The following USP24 variants were observed in gnomAD, a reference collection of about 807,000 sequenced individuals.
USP24 encodes ubiquitin carboxyl-terminal hydrolase 24.
A neutral mutation model predicts 361.6 loss-of-function variants in USP24; 97 were observed. That is an observed-to-expected ratio of 0.27 (90% confidence interval 0.23 to 0.32). The LOEUF (loss-of-function observed/expected upper bound fraction) is 0.32. Ranked by LOEUF, USP24 falls within the 10% of genes least tolerant of loss-of-function variation. The pLI is 1.00. For synonymous variants in USP24, 1,098 were observed against 1,124.6 expected (o/e 0.98, Z 0.47); for missense variants, 2,353 against 3,165.6 (o/e 0.74, Z 6.16).
At chr1:55,124,226 T>A (rs948797791) in intron 35 of USP24, among the ~76,000 whole-genome samples, 1 of 152,226 alleles carries the variant, frequency 6.6e-6, no homozygotes, top group African/African-American at 2.4e-5. Context: ...CTAAAAACTG[T>A]TGATTTGGTT....
intron 17 of USP24, 40 bp from the exon 18 acceptor site, chr1:55,147,838 T>C (rs764607492): frequency 5.8e-5 from 92 of 1,598,950 alleles, no homozygotes; most frequent in Non-Finnish European, 7.4e-5. Context: ...TAATGAGAAT[T>C]TGCAGTTATT....
At position 55,068,529 on chromosome 1, in the gene USP24, G is replaced by C. The variant is rs1316007208; in HGVS notation, c.*516C>G. The C allele has an allele frequency of 1.3e-5, 2 of 153,660 alleles. No individual in the cohort carries two copies. Among genetic ancestry groups the C allele is most frequent in the Non-Finnish European group, 2.9e-5 (2 of 69,192 alleles). 9.5% of individuals were successfully genotyped at this position (153,660 alleles called of 1,614,324 possible). ...TTAAATACAAAGGTCTGTGTAAATT[G>C]ACTTAATTACTATTTTACAATGAAA... On this transcript the variant is annotated 3_prime_UTR_variant, in exon 68 of 68. Coordinates refer to ENST00000294383, the MANE Select transcript of USP24 (RefSeq NM_015306.3).
chr1:55,074,603 T>C (rs1002542000), intron 63 of USP24, among the ~76,000 whole-genome samples: 40 of 151,500 alleles, frequency 2.6e-4, no homozygotes, highest in Admixed American at 1.2e-3. Flanking sequence ...CACTGCACTC[T>C]AGACTGGAAG....
intron 1 of USP24, among the ~76,000 whole-genome samples, chr1:55,210,261 G>T (rs888279261): frequency 6.6e-6 from 1 of 152,118 alleles, no homozygotes; most frequent in Admixed American, 6.5e-5. Context: ...GGATCAGAAA[G>T]AAATTCTTAT....
At chr1:55,161,197 C>A (rs1260337204) in intron 8 of USP24, among the ~76,000 whole-genome samples, 1 of 151,698 alleles carries the variant, frequency 6.6e-6, no homozygotes, top group Non-Finnish European at 1.5e-5. Flanking sequence ...CATGGTGAAA[C>A]CCCATCTCTA....
intron 64 of USP24, 34 bp downstream of exon 64, chr1:55,073,794 C>T (rs1428953975): frequency 6.5e-7 from 1 of 1,539,068 alleles, no homozygotes. Context: ...AATTAAAACA[C>T]CATTTCCTCC....
Position 55,095,380 on chromosome 1 carries a change from A to G in USP24, c.6078T>C (p.Asp2026=). ...KVYDQTNPYT[D]VRRRYWNAYM... The stretch of plus-strand genomic sequence containing the variant: ...AGGCATTCCAGTATCTTCGGCGCAC[A>G]TCAGTGTATGGGTTTGCTTTATAAC... The change falls in exon 51 of 68, where the codon GAT becomes GAC. Residue 2026 remains aspartate (D), a synonymous_variant. Coordinates refer to ENST00000294383, the MANE Select transcript of USP24 (RefSeq NM_015306.3). 6.2e-7 allele frequency: 1 copy of G among 1,612,444 alleles called. No homozygotes were observed. The highest frequency in any genetic ancestry group is 8.5e-7 in the Non-Finnish European group (1 of 1,179,196).
Position 55,214,911 on chromosome 1 carries a change from C to T in USP24, c.203G>A (p.Gly68Glu). Residue 68 changes from glycine (G) to glutamate (E), a missense_variant, in exon 1 of 68, where the codon GGG (glycine) becomes GAG (glutamate). Around this residue, in one of 8 missense-constraint regions of USP24, gnomAD observed 253 missense variants for 255.3 expected, o/e 0.99. Coordinates refer to ENST00000294383, the MANE Select transcript of USP24 (RefSeq NM_015306.3). ...SGGGPSPGPGGGPRGDGGGDG... is the reference protein window; with the variant it reads ...SGGGPSPGPGEGPRGDGGGDG... ...ACCTCCGCCGTCGCCCCGCGGGCCC[C>T]CGCCGGGCCCGGGGCTGGGGCCACC... The T allele has an allele frequency of 7.7e-7, 1 of 1,291,968 alleles. No individual in the cohort carries two copies. The highest frequency in any genetic ancestry group is 9.9e-7 in the Non-Finnish European group (1 of 1,011,638). 80.0% of individuals were successfully genotyped at this position (1,291,968 alleles called of 1,614,324 possible).
Position 55,173,255 on chromosome 1 carries a change from A to AT in USP24, c.559-736dup, listed in dbSNP as rs200933953. ...TCCTTTTTGGTATGTACAAAATAAT[A>AT]TTTTTTTTTAATTGTTTAAGCAAAT... On this transcript the variant is annotated intron_variant, in intron 3 of 67. Transcript: ENST00000294383. Among the ~76,000 whole-genome samples the AT allele has an allele frequency of 5.7e-4, 87 of 151,848 alleles. 1 individual carries two copies. The highest frequency in any genetic ancestry group is 1.5e-3 in the African/African-American group (62 of 41,476).
At chr1:55,105,905 C>G (rs1478063399) in intron 41 of USP24, among the ~76,000 whole-genome samples, 1 of 19,638 alleles carries the variant, frequency 5.1e-5, no homozygotes, top group African/African-American at 2.3e-4. Flanking sequence ...AAGTTAGCCA[C>G]ATTTTTATTT....
chr1:55,082,150 G>GT (rs1645161048), intron 58 of USP24, among the ~76,000 whole-genome samples: 1 of 152,210 alleles, frequency 6.6e-6, no homozygotes, highest in Admixed American at 6.5e-5. Flanking sequence ...AAATGCCTGT[G>GT]TAATGTGTTT....
chr1:55,097,738 A>G (rs1224884041), intron 47 of USP24, 21 bp from the exon 48 acceptor site: 4 of 1,526,388 alleles, frequency 2.6e-6, no homozygotes, highest in African/African-American at 1.4e-5. Context: ...AAAAAAGGAA[A>G]AAGAGCAAAT....
rs1644863930 is a variant in USP24, at chr1:55,068,853, A to G, written c.*192T>C. The G allele has an allele frequency of 5.1e-6, 3 of 589,552 alleles. No homozygotes were observed. The highest frequency in any genetic ancestry group is 6.5e-5 in the Admixed American group (2 of 30,788). 36.5% of individuals were successfully genotyped at this position (589,552 alleles called of 1,614,324 possible). On this transcript the variant is annotated 3_prime_UTR_variant, in exon 68 of 68. Coordinates refer to ENST00000294383, the MANE Select transcript of USP24 (RefSeq NM_015306.3). The stretch of plus-strand genomic sequence containing the variant: ...CTGATCCACATGCCGGAGTTCTCCC[A>G]CTGCCAAACAGCTCCCAAACCTTCT...
intron 16 of USP24, among the ~76,000 whole-genome samples, chr1:55,148,896 A>C (rs184357244): frequency 6.6e-6 from 1 of 152,354 alleles, no homozygotes; most frequent in African/African-American, 2.4e-5. Context: ...CTGCTAAGTC[A>C]TGTTGACACA....
rs749361455 is a variant in USP24, at chr1:55,165,968, A to G, written c.862-18T>C. 6 of 1,599,558 alleles carry G rather than the reference A, an allele frequency of 3.8e-6. No individual in the cohort carries two copies. The South Asian group carries it at 4.5e-5, about 12-fold the overall frequency. On this transcript the variant is annotated intron_variant, in intron 6 of 67. Coordinates refer to ENST00000294383, the MANE Select transcript of USP24 (RefSeq NM_015306.3). The stretch of plus-strand genomic sequence containing the variant: ...TCTCCAAACTGAGAAGAAAAAAGGC[A>G]CACATTAAGTTATTTTTCTCTTTAA...
chr1:55,158,328 TA>T (rs1246837442), intron 10 of USP24, among the ~76,000 whole-genome samples: 1 of 152,218 alleles, frequency 6.6e-6, no homozygotes, highest in Non-Finnish European at 1.5e-5. Context: ...CTTTCACTGG[TA>T]GTCAAGAATC....
At position 55,144,207 on chromosome 1, in the gene USP24, T is replaced by A; in HGVS notation, c.2363-4A>T. ...AAAGTTTTAAATAAGTTAAAACCTG[T>A]AATTATAGAATGCCAAATAAATTCA... On this transcript the variant is annotated splice_region_variant and splice_polypyrimidine_tract_variant and intron_variant, in intron 20 of 67. Transcript: ENST00000294383. The A allele has an allele frequency of 6.4e-7, 1 of 1,566,000 alleles. No individual in the cohort carries two copies. Among genetic ancestry groups the A allele is most frequent in the Non-Finnish European group, 8.7e-7 (1 of 1,148,932 alleles).
chr1:55,207,684 AGGGACTT>A (rs1185695979), intron 1 of USP24, among the ~76,000 whole-genome samples: 1 of 152,252 alleles, frequency 6.6e-6, no homozygotes, highest in Non-Finnish European at 1.5e-5. Context: ...TGGAAACACT[AGGGACTT>A]GAGCATGGTG....
At chr1:55,204,141 T>C (rs190550643) in intron 1 of USP24, among the ~76,000 whole-genome samples, 11 of 152,182 alleles carry the variant, frequency 7.2e-5, no homozygotes, top group Non-Finnish European at 1.6e-4. Flanking sequence ...ATGTTATTGA[T>C]GCTGGACAGG....
Sources: gnomAD v4.1 joint callset for allele counts (sites outside exome capture counted in the v4.1 genomes callset) on GRCh38, gnomAD v4.1.1 for gene constraint, gnomAD v4.1.1 regional missense constraint, MANE v1.5 for transcripts, NCBI Gene and HGNC (gene_info 2026-07-23, HGNC 2026-07-21) for gene names.